The following EP300 variants were observed in gnomAD, a reference collection of about 807,000 sequenced individuals.
EP300 encodes the protein histone acetyltransferase p300.
In EP300, 31 loss-of-function variants were observed where a neutral mutation model predicts 264.0. The observed-to-expected ratio is 0.12, with a 90% CI of 0.09 to 0.16. The LOEUF is 0.16. EP300 is among the 10% of genes least tolerant of loss of function. EP300 has a pLI of 1.00. For synonymous variants in EP300, 1,340 were observed against 1,045.4 expected (o/e 1.28, Z -5.44); for missense variants, 2,766 against 3,052.9 (o/e 0.91, Z 2.21).
chr22:41,097,094 C>T (rs190783953), intron 1 of EP300, among the ~76,000 whole-genome samples: 38 of 152,216 alleles, frequency 2.5e-4, no homozygotes, highest in African/African-American at 8.7e-4. Context: ...AGATATAGCT[C>T]CTGATTTAGT....
At chr22:41,130,661 C>T (rs73426545) in intron 5 of EP300, among the ~76,000 whole-genome samples, 2,376 of 152,172 alleles carry the variant, frequency 0.016, 57 homozygotes, top group African/African-American at 0.054. Flanking sequence ...TGCTTTGAAC[C>T]TATGAAAATT....
At chr22:41,130,073 T>C (rs1601606262) in intron 5 of EP300, 70 bp downstream of exon 5, 2 of 1,121,900 alleles carry the variant, frequency 1.8e-6, no homozygotes, top group Admixed American at 3.4e-5. Flanking sequence ...TTTATAGTAC[T>C]ACTTGATTAT....
chr22:41,135,414 G>A (rs1472403486), intron 6 of EP300, among the ~76,000 whole-genome samples: 2 of 152,034 alleles, frequency 1.3e-5, no homozygotes, highest in Non-Finnish European at 2.9e-5. Flanking sequence ...TTATTTGAAT[G>A]ATAATTTTGG....
chr22:41,127,127 T>G (rs914623795), intron 3 of EP300, among the ~76,000 whole-genome samples: 2 of 152,150 alleles, frequency 1.3e-5, no homozygotes, highest in African/African-American at 4.8e-5. Flanking sequence ...GAAAGACCCC[T>G]CTGCTGAGTC....
At chr22:41,110,896 G>T (rs553255669) in intron 1 of EP300, among the ~76,000 whole-genome samples, 1 of 151,648 alleles carries the variant, frequency 6.6e-6, no homozygotes, top group East Asian at 1.9e-4. Context: ...TGTTTAGTCA[G>T]CCTTTACTTT....
intron 8 of EP300, among the ~76,000 whole-genome samples, chr22:41,138,170 TTTTG>T (rs1445434265): frequency 6.6e-5 from 10 of 152,056 alleles, no homozygotes; most frequent in Admixed American, 4.6e-4. Context: ...AGCAGGGGTT[TTTTG>T]TTTGTTTGAG....
At chr22:41,153,684 A>C (rs2059060135) in intron 16 of EP300, among the ~76,000 whole-genome samples, 1 of 152,190 alleles carries the variant, frequency 6.6e-6, no homozygotes, top group Admixed American at 6.5e-5. Flanking sequence ...CGGGAGATGG[A>C]AGGAGGTTGC....
chr22:41,134,995 C>T (rs1397646144), intron 6 of EP300, among the ~76,000 whole-genome samples: 2 of 152,150 alleles, frequency 1.3e-5, no homozygotes, highest in Admixed American at 6.5e-5. Flanking sequence ...GCAACCTCCG[C>T]CTCCTGGGTT....
chr22:41,152,431 G>T lies in EP300; in HGVS notation c.3142+81G>T, dbSNP rs1001489731. 5 of 1,518,930 alleles carry T rather than the reference G, an allele frequency of 3.3e-6. No homozygotes were observed. In the Admixed American group the frequency reaches 9.8e-5, roughly 30 times the overall value. 94.1% of individuals were successfully genotyped at this position (1,518,930 alleles called of 1,614,324 possible). ...GCAGAATTGCGGTCATGCCTCTTGG[G>T]CCTCAGAAGTTGCCATTATTGTGAT... On this transcript the variant is annotated intron_variant, in intron 16 of 30. Transcript: ENST00000263253.
chr22:41,093,236 C>A, intron 1 of EP300, 138 bp downstream of exon 1: 1 of 895,848 alleles, frequency 1.1e-6, no homozygotes, highest in East Asian at 2.6e-5. Context: ...TTTGAATGAG[C>A]TGGTCGAAGA....
intron 23 of EP300, among the ~76,000 whole-genome samples, chr22:41,168,018 C>T (rs1364016683): frequency 1.3e-5 from 2 of 150,454 alleles, no homozygotes; most frequent in African/African-American, 4.9e-5. Context: ...GACGGGGTTT[C>T]AGCATGTTGG....
intron 21 of EP300, 87 bp from the exon 22 acceptor site, chr22:41,163,966 G>C (rs991152779): frequency 7.3e-6 from 9 of 1,224,748 alleles, no homozygotes; most frequent in Admixed American, 1.7e-5. Flanking sequence ...GACCTTGGCT[G>C]TCTTTGTCAG....
chr22:41,133,821 G>A (rs943532399), intron 6 of EP300, among the ~76,000 whole-genome samples: 1 of 152,144 alleles, frequency 6.6e-6, no homozygotes, highest in African/African-American at 2.4e-5. Context: ...TTAAGCACAT[G>A]TTGAGCCACT....
chr22:41,147,786 T>C (rs1251372803), intron 11 of EP300, 51 bp from the exon 12 acceptor site: 1 of 1,190,084 alleles, frequency 8.4e-7, no homozygotes, highest in Admixed American at 1.7e-5. Context: ...TATCTTTTAT[T>C]ATTCAATTTC....
At chr22:41,106,868 C>T (rs2058760863) in intron 1 of EP300, among the ~76,000 whole-genome samples, 4 of 152,150 alleles carry the variant, frequency 2.6e-5, no homozygotes, top group Admixed American at 2.6e-4. Context: ...GCCATGATTA[C>T]AGTTGTGAGC....
At chr22:41,102,029 C>CTTTTTT (rs5845488) in intron 1 of EP300, among the ~76,000 whole-genome samples, 100 of 119,058 alleles carry the variant, frequency 8.4e-4, no homozygotes, top group Non-Finnish European at 1.2e-3. Flanking sequence ...TTTTTCTTTT[C>CTTTTTT]TTTTTTTTTT....
chr22:41,152,325 G>C lies in EP300; in HGVS notation c.3117G>C (p.Pro1039=), dbSNP rs945817669. 1.2e-6 allele frequency: 2 copies of C among 1,613,856 alleles called. No individual in the cohort carries two copies. The highest frequency in any genetic ancestry group is 1.7e-6 in the Non-Finnish European group (2 of 1,179,890). ...GTACTTCAGCTACCCAGTCATCTCC[G>C]GCTCCAGGACAGTCAAAGAAAAAGA... is the stretch of plus-strand genomic sequence containing the variant. The part of the protein sequence containing the change: ...QPSTSATQSS[P]APGQSKKKIF... Residue 1039 remains proline, a synonymous_variant, in exon 16 of 31, where the codon CCG becomes CCC. Transcript: ENST00000263253.
In EP300 at chr22:41,170,477, C is replaced by T. The variant is rs2145766635; in HGVS notation, c.4358C>T (p.Pro1453Leu). 1 of 1,614,022 alleles carries T rather than the reference C, an allele frequency of 6.2e-7. No homozygotes were observed. The highest frequency in any genetic ancestry group is 8.5e-7 in the Non-Finnish European group (1 of 1,179,976). The change falls in exon 27 of 31, where the codon CCT becomes CTT. Residue 1453 changes from proline (P) to leucine (L), a missense_variant. Physicochemically the swap from Pro to Leu is moderately conservative, Grantham distance 98 (BLOSUM62 -3). Transcript: ENST00000263253. ...GDDYIFHCHP[P>L]DQKIPKPKRL... ...GATTATATCTTCCATTGCCATCCTC[C>T]TGACCAGAAGATACCCAAGCCCAAG... is the stretch of plus-strand genomic sequence containing the variant.
intron 1 of EP300, among the ~76,000 whole-genome samples, chr22:41,112,859 C>T (rs970428466): frequency 6.6e-6 from 1 of 152,076 alleles, no homozygotes; most frequent in South Asian, 2.1e-4. Flanking sequence ...AGTAGGATTA[C>T]AGTGGTCTGG....
Sources: allele counts gnomAD v4.1 joint callset (sites outside exome capture counted in the v4.1 genomes callset), GRCh38; gene constraint gnomAD v4.1.1; transcripts MANE v1.5; gene names NCBI Gene and HGNC (gene_info 2026-07-23, HGNC 2026-07-21).